Variants in PTPN4 observed in about 807,000 individuals in gnomAD.
PTPN4 encodes tyrosine-protein phosphatase non-receptor type 4.
A neutral mutation model predicts 135.5 loss-of-function variants in PTPN4; 49 were observed. The ratio of observed to expected loss-of-function variants is 0.36; its 90% CI spans 0.29 to 0.46. The LOEUF is 0.46. PTPN4 is among the 20% of genes least tolerant of loss of function. The pLI is 1.00. For missense variants in PTPN4, 860 were observed against 1,101.0 expected, an observed-to-expected ratio of 0.78 and a Z score of 3.10; for synonymous variants, 333 against 369.9, an observed-to-expected ratio of 0.90 and a Z score of 1.14.
Position 119,809,622 on chromosome 2 carries a change from T to TA in PTPN4, c.-17-205dup, listed in dbSNP as rs577072830. 3.9e-3 allele frequency among the ~76,000 whole-genome samples: 577 copies of TA among 148,754 alleles called. 3 individuals are homozygous for TA. Among genetic ancestry groups the TA allele is most frequent in the African/African-American group, 0.013 (535 of 40,670 alleles). ...TATTAAATCTTCTGGATGGAGCAGT[T>TA]AAAAAAAAAACCTCTTTTTCAAAGC... On this transcript the variant is annotated intron_variant, in intron 1 of 26. Transcript: ENST00000263708.
intron 13 of PTPN4, among the ~76,000 whole-genome samples, chr2:119,930,904 A>C (rs1678895879): frequency 6.6e-6 from 1 of 152,070 alleles, no homozygotes; most frequent in African/African-American, 2.4e-5. Context: ...GAGCTAAAAA[A>C]GCAAGTCCAA....
At chr2:119,799,460 C>T (rs552141068) in intron 1 of PTPN4, among the ~76,000 whole-genome samples, 15 of 152,118 alleles carry the variant, frequency 9.9e-5, no homozygotes, top group Admixed American at 2.0e-4. Flanking sequence ...GCAAATTTTT[C>T]GTTTTAAAGT....
intron 15 of PTPN4, among the ~76,000 whole-genome samples, chr2:119,935,374 G>A (rs989049630): frequency 6.6e-6 from 1 of 152,184 alleles, no homozygotes; most frequent in African/African-American, 2.4e-5. Context: ...ATTTACCTAT[G>A]TAGATAGGTA....
intron 3 of PTPN4, among the ~76,000 whole-genome samples, chr2:119,871,221 C>T (rs142971713): frequency 2.1e-3 from 308 of 149,792 alleles, no homozygotes; most frequent in Non-Finnish European, 3.5e-3. Flanking sequence ...GGCAAAGGCT[C>T]GGGAAATGTG....
At chr2:119,972,721 G>T (rs1647937498) in intron 26 of PTPN4, among the ~76,000 whole-genome samples, 1 of 152,054 alleles carries the variant, frequency 6.6e-6, no homozygotes, top group African/African-American at 2.4e-5. Context: ...TCAAGTAGAA[G>T]AAGATCCCTT....
intron 1 of PTPN4, among the ~76,000 whole-genome samples, chr2:119,769,126 A>G (rs1690690637): frequency 6.6e-6 from 1 of 152,218 alleles, no homozygotes; most frequent in Non-Finnish European, 1.5e-5. Context: ...CCTAACTACC[A>G]TCACTGAAAG....
intron 3 of PTPN4, among the ~76,000 whole-genome samples, chr2:119,872,655 T>C (rs555302621): frequency 6.6e-6 from 1 of 152,324 alleles, no homozygotes; most frequent in East Asian, 1.9e-4. Flanking sequence ...TACCTCTTTC[T>C]TTTTTATCTG....
At chr2:119,914,653 A>G (rs1678625186) in intron 10 of PTPN4, among the ~76,000 whole-genome samples, 1 of 152,160 alleles carries the variant, frequency 6.6e-6, no homozygotes, top group South Asian at 2.1e-4. Context: ...TAAAGTTTAC[A>G]AAGACTGTGT....
At chr2:119,841,963 G>C (rs1460165699) in intron 2 of PTPN4, among the ~76,000 whole-genome samples, 1 of 152,166 alleles carries the variant, frequency 6.6e-6, no homozygotes, top group African/African-American at 2.4e-5. Flanking sequence ...CTGGGAACTT[G>C]AGAAGAATGA....
chr2:119,960,073 TATAGA>T (rs1239665548), intron 22 of PTPN4, among the ~76,000 whole-genome samples: 2 of 152,194 alleles, frequency 1.3e-5, no homozygotes, highest in Non-Finnish European at 2.9e-5. Context: ...ATATGTTGTA[TATAGA>T]ATATCCCTGA....
chr2:119,976,898 A>G, intron 26 of PTPN4, 86 bp from the exon 27 acceptor site: 18 of 1,525,920 alleles, frequency 1.2e-5, no homozygotes, highest in Non-Finnish European at 1.5e-5. Flanking sequence ...AAGCAAGCCA[A>G]GTGAGATGTT....
chr2:119,765,270 A>G (rs921746639), intron 1 of PTPN4, among the ~76,000 whole-genome samples: 5 of 152,220 alleles, frequency 3.3e-5, no homozygotes, highest in African/African-American at 9.6e-5. Context: ...CAAAGCCACC[A>G]AGGTCAATGA....
At chr2:119,795,984 A>T (rs1691249845) in intron 1 of PTPN4, among the ~76,000 whole-genome samples, 1 of 152,228 alleles carries the variant, frequency 6.6e-6, no homozygotes. Context: ...CAGCCTTGCG[A>T]ATCCTGACTG....
intron 2 of PTPN4, among the ~76,000 whole-genome samples, chr2:119,811,826 G>T (rs1558733368): frequency 1.3e-5 from 2 of 151,954 alleles, no homozygotes; most frequent in Non-Finnish European, 2.9e-5. Context: ...ATTTTTCAGT[G>T]TAGTAATCAA....
At chr2:119,947,390 T>A (rs1679150813) in intron 18 of PTPN4, among the ~76,000 whole-genome samples, 3 of 152,134 alleles carry the variant, frequency 2.0e-5, no homozygotes, top group Admixed American at 1.3e-4. Context: ...GGATATCATG[T>A]TATGTGGTTT....
intron 1 of PTPN4, among the ~76,000 whole-genome samples, chr2:119,808,434 C>T (rs1250517215): frequency 6.6e-6 from 1 of 152,094 alleles, no homozygotes; most frequent in African/African-American, 2.4e-5. Flanking sequence ...ACACCAATAA[C>T]AGACAGAGAG....
chr2:119,955,281 A>G lies in PTPN4; in HGVS notation c.1938A>G (p.Leu646=), dbSNP rs768337029. ...DHSLRESMIQ[L]AEGLITGTVL... ...CCCTGCGGGAGTCAATGATCCAGCTAGCTGAGGGGCTTATCACTGGAACAG... is the reference window on the plus strand; with the variant it reads ...CCCTGCGGGAGTCAATGATCCAGCTGGCTGAGGGGCTTATCACTGGAACAG... The change falls in exon 20 of 27, where the codon CTA becomes CTG. Residue 646 remains leucine, a synonymous_variant. Coordinates refer to ENST00000263708, the MANE Select transcript of PTPN4 (RefSeq NM_002830.4). 1.2e-5 allele frequency: 19 copies of G among 1,613,442 alleles called. No individual in the cohort carries two copies. The highest frequency in any genetic ancestry group is 1.6e-5 in the Non-Finnish European group (19 of 1,179,750).
chr2:119,868,146 A>G (rs1167545592), intron 3 of PTPN4, among the ~76,000 whole-genome samples: 1 of 152,208 alleles, frequency 6.6e-6, no homozygotes, highest in African/African-American at 2.4e-5. Flanking sequence ...AACTTGGAAA[A>G]GAAAGGAACC....
chr2:119,766,454 G>GC (rs1558718896), intron 1 of PTPN4, among the ~76,000 whole-genome samples: 2 of 69,250 alleles, frequency 2.9e-5, no homozygotes, highest in Non-Finnish European at 6.7e-5. Flanking sequence ...GCGCGCGTGT[G>GC]TGTGTGTGTG....
Sources: gnomAD v4.1 joint callset for allele counts (sites outside exome capture counted in the v4.1 genomes callset) on GRCh38, gnomAD v4.1.1 for gene constraint, MANE v1.5 for transcripts, NCBI Gene and HGNC (gene_info 2026-07-23, HGNC 2026-07-21) for gene names.